The following MTUS2 variants were observed in gnomAD, a reference collection of about 807,000 sequenced individuals.
MTUS2 encodes microtubule associated scaffold protein 2.
In MTUS2, 40 loss-of-function variants were observed where a neutral mutation model predicts 114.1. That is an observed-to-expected ratio of 0.35 (90% CI 0.27 to 0.46). The LOEUF is 0.46. MTUS2 is among the 20% of genes least tolerant of loss of function. The pLI is 1.00. For missense variants in MTUS2, 1,679 were observed against 1,705.4 expected, an observed-to-expected ratio of 0.98 and a Z score of 0.27; for synonymous variants, 688 against 672.0, an observed-to-expected ratio of 1.02 and a Z score of -0.37.
At chr13:28,906,038 G>T (rs1879984551) in intron 2 of MTUS2, among the ~76,000 whole-genome samples, 1 of 151,604 alleles carries the variant, frequency 6.6e-6, no homozygotes, top group Non-Finnish European at 1.5e-5. Flanking sequence ...TAGTTTATTT[G>T]CGTAGAGTTG....
intron 8 of MTUS2, among the ~76,000 whole-genome samples, chr13:29,398,565 A>G (rs1874091478): frequency 6.6e-6 from 1 of 152,016 alleles, no homozygotes; most frequent in Non-Finnish European, 1.5e-5. Flanking sequence ...GATGTCTCTC[A>G]TTCTACTATT....
intron 7 of MTUS2, among the ~76,000 whole-genome samples, chr13:29,339,210 C>A (rs186057628): frequency 6.6e-6 from 1 of 152,254 alleles, no homozygotes; most frequent in African/African-American, 2.4e-5. Context: ...GGGCTGTGGC[C>A]GGCGTACTTC....
chr13:29,036,156 AG>A (rs56396857), intron 4 of MTUS2, among the ~76,000 whole-genome samples: 10,457 of 48,506 alleles, frequency 0.22, 886 homozygotes, highest in African/African-American at 0.4. Context: ...AAAAAAAAAA[AG>A]AAAGAAAAAT....
At chr13:28,984,490 A>G (rs1054234739) in intron 2 of MTUS2, among the ~76,000 whole-genome samples, 1 of 152,208 alleles carries the variant, frequency 6.6e-6, no homozygotes, top group African/African-American at 2.4e-5. Flanking sequence ...TCCTTAAGGT[A>G]GAATTAACGG....
At chr13:29,088,480 G>T (rs1889797270) in intron 4 of MTUS2, among the ~76,000 whole-genome samples, 2 of 152,178 alleles carry the variant, frequency 1.3e-5, no homozygotes, top group South Asian at 4.1e-4. Flanking sequence ...CTCTGTAGAT[G>T]CCTGTTAGGT....
At chr13:29,083,511 G>A (rs754546653) in intron 4 of MTUS2, among the ~76,000 whole-genome samples, 1 of 152,176 alleles carries the variant, frequency 6.6e-6, no homozygotes, top group African/African-American at 2.4e-5. Flanking sequence ...GAACATATTA[G>A]CCAAATCTAT....
intron 5 of MTUS2, among the ~76,000 whole-genome samples, chr13:29,249,211 A>C (rs200654675): frequency 6.6e-6 from 1 of 151,994 alleles, no homozygotes; most frequent in Non-Finnish European, 1.5e-5. Context: ...GGCTGGTCTC[A>C]AACTCCTGAC....
At chr13:29,139,806 C>G (rs1429900052) in intron 5 of MTUS2, among the ~76,000 whole-genome samples, 4 of 152,174 alleles carry the variant, frequency 2.6e-5, no homozygotes, top group African/African-American at 9.7e-5. Flanking sequence ...TTCTCGTGCT[C>G]TTAGACTTAT....
At chr13:29,449,824 G>T (rs1404347664) in intron 9 of MTUS2, among the ~76,000 whole-genome samples, 2 of 152,132 alleles carry the variant, frequency 1.3e-5, no homozygotes. Flanking sequence ...GATTTAATTG[G>T]TCCTAGACTA....
At chr13:29,401,061 C>T (rs1384014457) in intron 8 of MTUS2, among the ~76,000 whole-genome samples, 1 of 152,186 alleles carries the variant, frequency 6.6e-6, no homozygotes, top group African/African-American at 2.4e-5. Context: ...AGTCTCAGCT[C>T]ACTGCAAACG....
At position 28,958,455 on chromosome 13, in the gene MTUS2, G is replaced by T. The variant is rs17072415; in HGVS notation, c.-242-66002G>T. 1.1e-3 allele frequency among the ~76,000 whole-genome samples: 162 copies of T among 152,314 alleles called. 5 individuals are homozygous for T. The East Asian group carries it at 0.025, about 23-fold the overall frequency. ...AATATAAGTAAGCCTAAAGGATGTT[G>T]GAGCAGCCTAAATTGATGTTGGGAA... On this transcript the variant is annotated intron_variant, in intron 2 of 15. Coordinates refer to ENST00000612955, the MANE Select transcript of MTUS2 (RefSeq NM_001033602.4).
intron 2 of MTUS2, among the ~76,000 whole-genome samples, chr13:28,949,766 T>C (rs934094898): frequency 2.6e-5 from 4 of 152,200 alleles, no homozygotes; most frequent in Admixed American, 1.3e-4. Flanking sequence ...GGTTCATCCA[T>C]GTTATAGAAT....
chr13:29,106,741 C>T (rs1644679073), intron 5 of MTUS2, among the ~76,000 whole-genome samples: 1 of 151,806 alleles, frequency 6.6e-6, no homozygotes, highest in African/African-American at 2.4e-5. Flanking sequence ...CATCCTCATT[C>T]TTCTCTCTCC....
chr13:29,014,404 C>T (rs997966536), intron 2 of MTUS2, among the ~76,000 whole-genome samples: 2 of 152,204 alleles, frequency 1.3e-5, no homozygotes, highest in Admixed American at 1.3e-4. Context: ...TTAATGATGA[C>T]ACCATACTAA....
chr13:29,281,482 C>T (rs1298963709), intron 5 of MTUS2, among the ~76,000 whole-genome samples: 3 of 151,368 alleles, frequency 2.0e-5, no homozygotes, highest in African/African-American at 4.9e-5. Context: ...TGTGGAGCCC[C>T]GTTTAGTGCA....
At chr13:29,318,343 G>T (rs971344139) in intron 6 of MTUS2, among the ~76,000 whole-genome samples, 4 of 141,278 alleles carry the variant, frequency 2.8e-5, no homozygotes, top group African/African-American at 1.1e-4. Context: ...ATTGAGATGT[G>T]CTCAGTGAGG....
intron 5 of MTUS2, among the ~76,000 whole-genome samples, chr13:29,145,450 A>G (rs1332939888): frequency 6.6e-6 from 1 of 152,040 alleles, no homozygotes; most frequent in East Asian, 1.9e-4. Context: ...AACCCGGGAG[A>G]TGGAGGTTGC....
At chr13:29,081,480 T>C (rs553556868) in intron 4 of MTUS2, among the ~76,000 whole-genome samples, 34 of 152,178 alleles carry the variant, frequency 2.2e-4, no homozygotes, top group South Asian at 6.2e-4. Flanking sequence ...AAACATTCCA[T>C]TGAATCCCTT....
chr13:29,257,629 C>A (rs1435297585), intron 5 of MTUS2, among the ~76,000 whole-genome samples: 1 of 152,048 alleles, frequency 6.6e-6, no homozygotes, highest in East Asian at 1.9e-4. Context: ...GAAAGGTCGT[C>A]AACTGGAAAT....
Sources: allele counts gnomAD v4.1 joint callset (sites outside exome capture counted in the v4.1 genomes callset), GRCh38; gene constraint gnomAD v4.1.1; transcripts MANE v1.5; gene names NCBI Gene and HGNC (gene_info 2026-07-23, HGNC 2026-07-21).